Variants in CLSPN observed in about 807,000 individuals in gnomAD.
CLSPN encodes the protein claspin, also known as claspin homolog.
In CLSPN, 85 loss-of-function variants were observed where a neutral mutation model predicts 156.3. The observed-to-expected ratio is 0.54, with a 90% CI of 0.46 to 0.65. CLSPN has a LOEUF of 0.65. Among genes scored for constraint, CLSPN ranks in the 30% least tolerant of loss-of-function variants. The pLI, the probability that CLSPN is intolerant of heterozygous loss-of-function variation, is 0.00. For synonymous variants in CLSPN, 534 were observed against 542.4 expected (o/e 0.98, Z 0.22); for missense variants, 1,407 against 1,554.9 (o/e 0.90, Z 1.60).
At chr1:35,752,430 T>C (rs1269517229) in intron 9 of CLSPN, among the ~76,000 whole-genome samples, 3 of 151,900 alleles carry the variant, frequency 2.0e-5, no homozygotes, top group Non-Finnish European at 4.4e-5. Flanking sequence ...ATACAAAAAT[T>C]AGCCAGGCAT....
At chr1:35,762,565 ACAC>A (rs1320012809) in intron 4 of CLSPN, 84 bp from the exon 5 acceptor site, 6 of 896,690 alleles carry the variant, frequency 6.7e-6, no homozygotes, top group Non-Finnish European at 1.1e-5. Context: ...TTGTAGTCCA[ACAC>A]CACATCATGC....
chr1:35,743,627 A>G, intron 16 of CLSPN, 97 bp from the exon 17 acceptor site: 1 of 703,220 alleles, frequency 1.4e-6, no homozygotes, highest in Non-Finnish European at 2.3e-6. Flanking sequence ...GTGTGTGTTA[A>G]TTTTTTTTTT....
At chr1:35,739,040 C>CCA in intron 20 of CLSPN, 96 bp downstream of exon 20, 1 of 1,422,606 alleles carries the variant, frequency 7.0e-7, no homozygotes, top group Non-Finnish European at 9.7e-7. Context: ...ACCTTGTGAT[C>CCA]CACCTGCCTC....
At chr1:35,748,299 T>A in intron 13 of CLSPN, 106 bp downstream of exon 13, 1 of 1,117,506 alleles carries the variant, frequency 8.9e-7, no homozygotes, top group Non-Finnish European at 1.3e-6. Context: ...TGAACACACA[T>A]AAGCTCAGTA....
intron 24 of CLSPN, among the ~76,000 whole-genome samples, chr1:35,723,171 A>G (rs868298122): frequency 8.5e-5 from 13 of 152,310 alleles, no homozygotes; most frequent in Admixed American, 2.0e-4. Context: ...CCAGAGAATA[A>G]TTCACCCCCA....
intron 1 of CLSPN, among the ~76,000 whole-genome samples, chr1:35,765,744 A>C (rs1642649378): frequency 2.6e-5 from 4 of 152,180 alleles, no homozygotes; most frequent in African/African-American, 9.7e-5. Context: ...ATTATCATTA[A>C]TGGCTGCTAA....
At chr1:35,727,423 G>A (rs1641216911), downstream of CLSPN, among the ~76,000 whole-genome samples, 1 of 151,710 alleles carries the variant, frequency 6.6e-6, no homozygotes, top group African/African-American at 2.4e-5. Flanking sequence ...TGGGCAAGGT[G>A]CTCTCTGAGG....
chr1:35,730,874 A>T (rs1187600490), downstream of CLSPN, among the ~76,000 whole-genome samples: 4 of 152,072 alleles, frequency 2.6e-5, no homozygotes, highest in Admixed American at 2.6e-4. Context: ...AAAAAAAAAG[A>T]ATAGGAAACT....
At chr1:35,750,057 G>A (rs527570821) in intron 10 of CLSPN, among the ~76,000 whole-genome samples, 1 of 152,004 alleles carries the variant, frequency 6.6e-6, no homozygotes, top group South Asian at 2.1e-4. Flanking sequence ...AGGACGACTG[G>A]ATTATCATTT....
At chr1:35,725,752 C>T (rs1271788984) in intron 24 of CLSPN, among the ~76,000 whole-genome samples, 2 of 152,132 alleles carry the variant, frequency 1.3e-5, no homozygotes, top group Non-Finnish European at 2.9e-5. Context: ...ATAAACCGCT[C>T]TGCTCCAGCA....
At chr1:35,753,351 A>G (rs961137483) in intron 9 of CLSPN, among the ~76,000 whole-genome samples, 1 of 151,782 alleles carries the variant, frequency 6.6e-6, no homozygotes, top group Non-Finnish European at 1.5e-5. Context: ...TTGTCCTTCC[A>G]AAGTGCTAGG....
intron 24 of CLSPN, among the ~76,000 whole-genome samples, chr1:35,724,123 AG>A (rs1229066809): frequency 6.6e-6 from 1 of 152,140 alleles, no homozygotes; most frequent in Non-Finnish European, 1.5e-5. Context: ...TTATTTTAAG[AG>A]ATGGGAGTCT....
chr1:35,743,388 A>T (rs1251074071), intron 17 of CLSPN, 67 bp downstream of exon 17: 3 of 1,454,234 alleles, frequency 2.1e-6, no homozygotes, highest in Non-Finnish European at 2.9e-6. Context: ...AACTGAGGGG[A>T]AAAAAACACT....
rs1177679899 is a variant in CLSPN at position 35,737,034 on chromosome 1, A to C, written c.3789T>G (p.Leu1263=). 4 of 1,614,058 alleles carry C rather than the reference A, an allele frequency of 2.5e-6. No homozygotes were observed. The African/African-American group carries it at 5.3e-5, about 22-fold the overall frequency. Residue 1263 remains leucine, a synonymous_variant, in exon 24 of 25, where the codon CTT becomes CTG. Coordinates refer to ENST00000318121, the MANE Select transcript of CLSPN (RefSeq NM_022111.4). The part of the protein sequence containing the change: ...GSLLNQPKAV[L]QKLAALSDHN... ...GGTCAGAGAGAGCAGCCAGTTTCTG[A>C]AGCACAGCTTTGGGCTGGTTTAGCA...
chr1:35,751,339 C>T lies in CLSPN; in HGVS notation c.1939G>A (p.Glu647Lys). ...TTCTCTTCTTTCTCTACCTTCTCTTCTCCATCTTCCTCAGACTCATCTGTC... is the reference window on the plus strand; with the variant it reads ...TTCTCTTCTTTCTCTACCTTCTCTTTTCCATCTTCCTCAGACTCATCTGTC... ...EMTDESEEDG[E>K]EKVEKEEKEE... Residue 647 changes from glutamate (E) to lysine (K), a missense_variant, in exon 10 of 25, where the codon GAA (glutamate) becomes AAA (lysine). By Grantham distance (56) the Glu-to-Lys change is moderately conservative. Coordinates refer to ENST00000318121, the MANE Select transcript of CLSPN (RefSeq NM_022111.4). The T allele has an allele frequency of 6.3e-7, 1 of 1,594,608 alleles. No individual in the cohort carries two copies.
Position 35,751,925 on chromosome 1 carries a change from C to G in CLSPN, c.1772-419G>C, listed in dbSNP as rs376880020. Among the ~76,000 whole-genome samples the G allele has an allele frequency of 1.4e-4, 22 of 152,238 alleles. 1 individual carries two copies. The East Asian group carries it at 1.5e-3, about 11-fold the overall frequency. On this transcript the variant is annotated intron_variant, in intron 9 of 24. Transcript: ENST00000318121. ...TAATAAATTAAAAGTAATGCTTAAT[C>G]TCACTTCTAATTGAAGAGCTACAAA...
Position 35,733,425 on chromosome 1 carries a change from C to T in CLSPN, c.*3071G>A. 6 of 975,874 alleles carry T rather than the reference C, an allele frequency of 6.1e-6. No homozygotes were observed. Among genetic ancestry groups the T allele is most frequent in the Non-Finnish European group, 7.3e-6 (6 of 823,288 alleles). The allele number at this position is 975,874 out of a possible 1,614,324, so 60.5% of individuals were successfully genotyped here. ...CCACCTCAGTCTCCTAAAGTGCTGG[C>T]GTGAGCCACCGGACCTGGCTGAATT... On this transcript the variant is annotated 3_prime_UTR_variant, in exon 25 of 25. Transcript: ENST00000318121.
downstream of CLSPN, among the ~76,000 whole-genome samples, chr1:35,730,918 T>C (rs1186129968): frequency 6.6e-6 from 1 of 151,928 alleles, no homozygotes; most frequent in East Asian, 1.9e-4. Context: ...AAAGGGGTGT[T>C]AGGCTGGACT....
rs911266155 is a variant in CLSPN at position 35,739,153 on chromosome 1, A to T, written c.3413T>A (p.Phe1138Tyr). 6.2e-7 allele frequency: 1 copy of T among 1,614,080 alleles called. No homozygotes were observed. Among genetic ancestry groups the T allele is most frequent in the African/African-American group, 1.3e-5 (1 of 74,998 alleles). Reference sequence around the variant, plus strand: ...CAAGATACCTATGTTTTTCCATCGAAACTTCCTCATTCGCCCAGGACCATC... The same window carrying T: ...CAAGATACCTATGTTTTTCCATCGATACTTCCTCATTCGCCCAGGACCATC... ...HSDGPGRMRK[F>Y]RWKNIDDASQ... Residue 1138 changes from phenylalanine to tyrosine, a missense_variant, in exon 20 of 25, where the codon TTT becomes TAT. This residue lies in a region of CLSPN where 241 missense variants were observed against 240.5 expected (regional missense o/e 1.00). Transcript: ENST00000318121.
Sources: allele counts gnomAD v4.1 joint callset (sites outside exome capture counted in the v4.1 genomes callset), GRCh38; gene constraint gnomAD v4.1.1; regional missense constraint gnomAD v4.1.1; transcripts MANE v1.5; gene names NCBI Gene and HGNC (gene_info 2026-07-23, HGNC 2026-07-21).